TTC39B: variants seen among roughly 807,000 people sequenced by gnomAD.
TTC39B encodes the protein tetratricopeptide repeat protein 39B.
TTC39B carries 92 observed loss-of-function variants against 96.6 expected under a neutral mutation model. That is an observed-to-expected ratio of 0.95 (90% CI 0.80 to 1.13). The LOEUF (loss-of-function observed/expected upper bound fraction) is 1.13, where lower values mean the gene tolerates loss of function less well. Ranked by LOEUF, TTC39B falls within the 50% of genes most tolerant of loss-of-function variation. The pLI, the probability that TTC39B is intolerant of heterozygous loss-of-function variation, is 0.00. For synonymous variants in TTC39B, 367 were observed against 299.4 expected (o/e 1.23, Z -2.33); for missense variants, 955 against 809.3 (o/e 1.18, Z -2.18).
At chr9:15,197,809 G>T (rs1249533899) in intron 8 of TTC39B, among the ~76,000 whole-genome samples, 1 of 151,710 alleles carries the variant, frequency 6.6e-6, no homozygotes, top group Non-Finnish European at 1.5e-5. Flanking sequence ...GAACAACACA[G>T]GCTTTAATAC....
At chr9:15,172,039 T>C in exon 20 of TTC39B, 2 of 1,612,696 alleles carry the variant, frequency 1.2e-6, no homozygotes, top group South Asian at 2.2e-5. Flanking sequence ...GAAGGTTTTC[T>C]CCAGAGGTGA....
chr9:15,191,698 G>A (rs1818866025), intron 9 of TTC39B, among the ~76,000 whole-genome samples: 1 of 152,198 alleles, frequency 6.6e-6, no homozygotes, highest in Non-Finnish European at 1.5e-5. Flanking sequence ...AGTGGTGAGG[G>A]AATATCCTTC....
At chr9:15,204,275 T>A (rs909744010) in intron 6 of TTC39B, among the ~76,000 whole-genome samples, 7 of 152,206 alleles carry the variant, frequency 4.6e-5, no homozygotes, top group African/African-American at 1.7e-4. Context: ...ACGCCTGTAA[T>A]CCCAGCACTT....
At chr9:15,185,767 G>A (rs941995281) in intron 15 of TTC39B, among the ~76,000 whole-genome samples, 1 of 152,202 alleles carries the variant, frequency 6.6e-6, no homozygotes. Context: ...GAGTAAGCAG[G>A]AAAGAGTCCA....
intron 17 of TTC39B, among the ~76,000 whole-genome samples, chr9:15,179,974 G>C (rs1193750001): frequency 6.6e-6 from 1 of 152,178 alleles, no homozygotes; most frequent in East Asian, 1.9e-4. Flanking sequence ...TTCCCTTGAA[G>C]TATAAATGCT....
intron 3 of TTC39B, among the ~76,000 whole-genome samples, chr9:15,219,854 C>T (rs1260582553): frequency 2.0e-5 from 3 of 152,168 alleles, no homozygotes; most frequent in Non-Finnish European, 4.4e-5. Context: ...TGCCCCACAC[C>T]GCCCAACCAT....
chr9:15,229,665 T>C (rs1043199043), intron 2 of TTC39B, among the ~76,000 whole-genome samples: 1 of 152,250 alleles, frequency 6.6e-6, no homozygotes, highest in African/African-American at 2.4e-5. Context: ...ACTGGATTAT[T>C]CTGCAATCTC....
At chr9:15,254,249 G>T (rs1822668444) in intron 2 of TTC39B, among the ~76,000 whole-genome samples, 1 of 151,272 alleles carries the variant, frequency 6.6e-6, no homozygotes. Flanking sequence ...ACTGGGAAAT[G>T]ACCAGGGATA....
intron 3 of TTC39B, among the ~76,000 whole-genome samples, chr9:15,223,998 C>T (rs1010660403): frequency 1.6e-4 from 24 of 152,090 alleles, no homozygotes; most frequent in Admixed American, 1.0e-3. Flanking sequence ...GACTCCTTCC[C>T]GACTCAGAAA....
chr9:15,194,400 C>T (rs1244302943), intron 8 of TTC39B, among the ~76,000 whole-genome samples: 1 of 152,002 alleles, frequency 6.6e-6, no homozygotes, highest in African/African-American at 2.4e-5. Flanking sequence ...TTTGAAAGGG[C>T]CTATCTATAT....
In TTC39B at chr9:15,190,547, A is replaced by G; in HGVS notation, c.1105+7T>C. 2 of 1,608,178 alleles carry G rather than the reference A, an allele frequency of 1.2e-6. No homozygotes were observed. Among genetic ancestry groups the G allele is most frequent in the Non-Finnish European group, 1.7e-6 (2 of 1,174,652 alleles). The stretch of plus-strand genomic sequence containing the variant: ...TGTTCAATGAAACAATCTAATCCAG[A>G]TCTTACCAAGTATTAGGGAGATGTA... On this transcript the variant is annotated splice_region_variant and intron_variant, in intron 11 of 19. Coordinates refer to ENST00000512701, the Ensembl canonical transcript of TTC39B.
At chr9:15,282,115 AAG>A (rs1185339148) in intron 1 of TTC39B, among the ~76,000 whole-genome samples, 1 of 152,236 alleles carries the variant, frequency 6.6e-6, no homozygotes, top group Non-Finnish European at 1.5e-5. Flanking sequence ...ATACTATCAT[AAG>A]TAAAATGCTG....
In TTC39B at chr9:15,190,923, A is replaced by G. The variant is rs1818823159; in HGVS notation, c.997-261T>C. On this transcript the variant is annotated intron_variant, in intron 10 of 19. Coordinates refer to ENST00000512701, the Ensembl canonical transcript of TTC39B. ...AAGCATAGGAAACCACGTGAGAGTA[A>G]TAAGATCTAGCAAGAAGCAATATTA... is the stretch of plus-strand genomic sequence containing the variant. Among the ~76,000 whole-genome samples, 3 of 152,302 alleles carry G rather than the reference A, an allele frequency of 2.0e-5. No individual in the cohort carries two copies. In the South Asian group the frequency reaches 6.2e-4, roughly 32 times the overall value.
At chr9:15,294,730 G>A (rs1164195879) in intron 1 of TTC39B, among the ~76,000 whole-genome samples, 1 of 152,142 alleles carries the variant, frequency 6.6e-6, no homozygotes, top group East Asian at 1.9e-4. Flanking sequence ...TATCCTACAG[G>A]ACTCCATCAC....
At chr9:15,198,594 C>G (rs4741474) in intron 8 of TTC39B, among the ~76,000 whole-genome samples, 100,127 of 151,104 alleles carry the variant, frequency 0.66, 33,592 homozygotes, top group East Asian at 0.87. Context: ...AACTTAAAAA[C>G]AATATTATAA....
At chr9:15,202,708 A>G (rs1819612582) in intron 7 of TTC39B, among the ~76,000 whole-genome samples, 1 of 150,262 alleles carries the variant, frequency 6.7e-6, no homozygotes, top group Non-Finnish European at 1.5e-5. Flanking sequence ...TGAGGCTCCA[A>G]CCACCCTGCC....
chr9:15,182,471 T>C (rs1818300010), intron 16 of TTC39B, 56 bp from the exon 17 acceptor site: 1 of 1,187,400 alleles, frequency 8.4e-7, no homozygotes, highest in African/African-American at 1.5e-5. Flanking sequence ...CAATGTCCTT[T>C]ATGATCCCCA....
chr9:15,275,283 T>C (rs548821971), intron 1 of TTC39B, among the ~76,000 whole-genome samples: 27 of 152,252 alleles, frequency 1.8e-4, no homozygotes, highest in South Asian at 1.0e-3. Flanking sequence ...TCAGGTGATC[T>C]GCCCGCCTCG....
chr9:15,175,543 T>G (rs562123402), intron 18 of TTC39B, among the ~76,000 whole-genome samples: 1 of 152,294 alleles, frequency 6.6e-6, no homozygotes, highest in African/African-American at 2.4e-5. Flanking sequence ...TATAATACTT[T>G]AAAAGGCCAA....
Sources: gnomAD v4.1 joint callset for allele counts (sites outside exome capture counted in the v4.1 genomes callset) on GRCh38, gnomAD v4.1.1 for gene constraint, MANE v1.5 for transcripts, NCBI Gene and HGNC (gene_info 2026-07-23, HGNC 2026-07-21) for gene names.